Variants in PLEK2 observed in about 807,000 individuals in gnomAD.
The protein encoded by PLEK2 is pleckstrin 2.
In PLEK2, 29 loss-of-function variants were observed where a neutral mutation model predicts 43.8. The observed-to-expected ratio is 0.66, with a 90% CI of 0.49 to 0.90. PLEK2 has a LOEUF of 0.90. Among genes scored for constraint, PLEK2 ranks in the 40% least tolerant of loss-of-function variants. The probability of loss-of-function intolerance (pLI) is 0.00; values close to 1 mark genes in which losing one functional copy is unlikely to be tolerated. For synonymous variants in PLEK2, 162 were observed against 173.2 expected (o/e 0.94, Z 0.51); for missense variants, 398 against 448.1 (o/e 0.89, Z 1.01).
At chr14:67,393,832 C>A (rs747285445) in intron 3 of PLEK2, among the ~76,000 whole-genome samples, 5 of 152,168 alleles carry the variant, frequency 3.3e-5, no homozygotes, top group Admixed American at 6.5e-5. Context: ...TTTATCTAAC[C>A]TCCCCAGTGG....
rs61744240 is a variant in PLEK2 at position 67,395,461 on chromosome 14, C to T, written c.330G>A (p.Lys110=). 3,168 of 1,614,048 alleles carry T rather than the reference C, an allele frequency of 2.0e-3. 57 individuals carry two copies. The African/African-American group carries it at 0.036, about 18-fold the overall frequency. Residue 110 remains lysine, a synonymous_variant, in exon 3 of 9, where the codon AAG becomes AAA. Coordinates refer to ENST00000216446, the MANE Select transcript of PLEK2 (RefSeq NM_016445.3). The stretch of plus-strand genomic sequence containing the variant: ...TTCTCAGGCTGTGCAGCTGCTGGAC[C>T]TTCCCCGGCTGCCCTGCATGAATAG... ...TGAIHAGQPG[K]VQQLHSLRNS...
intron 1 of PLEK2, among the ~76,000 whole-genome samples, chr14:67,406,103 T>A (rs1330353872): frequency 6.6e-6 from 1 of 151,748 alleles, no homozygotes; most frequent in African/African-American, 2.4e-5. Context: ...TACTAAAAAT[T>A]CAAAAATTAG....
intron 1 of PLEK2, among the ~76,000 whole-genome samples, chr14:67,403,981 A>T (rs1468638007): frequency 6.6e-6 from 1 of 152,190 alleles, no homozygotes; most frequent in Non-Finnish European, 1.5e-5. Context: ...TGAGCCTGGG[A>T]GGTCAAGGCT....
chr14:67,399,286 G>A (rs1416270835), intron 1 of PLEK2, among the ~76,000 whole-genome samples: 1 of 150,056 alleles, frequency 6.7e-6, no homozygotes, highest in Non-Finnish European at 1.5e-5. Context: ...TGGTTCTCAG[G>A]TGGCAGGAAT....
At chr14:67,389,774 T>TAAAAAAAACA (rs2085953739) in intron 7 of PLEK2, among the ~76,000 whole-genome samples, 1 of 147,000 alleles carries the variant, frequency 6.8e-6, no homozygotes, top group Non-Finnish European at 1.5e-5. Context: ...GTGTTTTTTT[T>TAAAAAAAACA]CTTTTTTTTT....
At chr14:67,411,481 C>A (rs72719138) in intron 1 of PLEK2, among the ~76,000 whole-genome samples, 2,377 of 152,192 alleles carry the variant, frequency 0.016, 24 homozygotes, top group Middle Eastern at 0.034. Context: ...GGGTCTGATC[C>A]CGATCCTGGC....
chr14:67,392,533 C>T, intron 5 of PLEK2, 106 bp from the exon 6 acceptor site: 1 of 1,216,982 alleles, frequency 8.2e-7, no homozygotes, highest in Middle Eastern at 1.9e-4. Flanking sequence ...GAACCTCATT[C>T]TGCATCAGGA....
Position 67,406,660 on chromosome 14 carries a change from C to A in PLEK2, c.42+5358G>T, listed in dbSNP as rs549808120. ...GTTAAACCTATCACTCCGAACACAG[C>A]AGCAGAACAGAATAGCCAAAGGAAG... On this transcript the variant is annotated intron_variant, in intron 1 of 8. Transcript: ENST00000216446. 3.3e-5 allele frequency among the ~76,000 whole-genome samples: 5 copies of A among 152,328 alleles called. No homozygotes were observed. The East Asian group carries it at 7.7e-4, about 23-fold the overall frequency.
chr14:67,397,978 A>G, intron 1 of PLEK2, 152 bp from the exon 2 acceptor site: 1 of 556,118 alleles, frequency 1.8e-6, no homozygotes, highest in South Asian at 3.4e-5. Flanking sequence ...ATCTCTTCTG[A>G]GTACGTAGCA....
intron 1 of PLEK2, among the ~76,000 whole-genome samples, chr14:67,398,902 A>G (rs994904701): frequency 1.3e-5 from 2 of 152,172 alleles, no homozygotes; most frequent in Non-Finnish European, 2.9e-5. Context: ...TCATACCATT[A>G]AATTTCTGTA....
chr14:67,388,433 G>C (rs1352304300), intron 7 of PLEK2, 131 bp from the exon 8 acceptor site: 6 of 679,778 alleles, frequency 8.8e-6, no homozygotes, highest in Non-Finnish European at 1.6e-5. Flanking sequence ...AGCTGAACTT[G>C]GACATCACAT....
rs1253664998 is a variant in PLEK2 at position 67,397,806 on chromosome 14, C to T, written c.63G>A (p.Trp21Ter). 6.2e-7 allele frequency: 1 copy of T among 1,611,752 alleles called. No individual in the cohort carries two copies. Among genetic ancestry groups the T allele is most frequent in the African/African-American group, 1.3e-5 (1 of 74,882 alleles). Residue 21 changes from tryptophan (W) to a stop codon, truncating the protein, a stop_gained, in exon 2 of 9, where the codon TGG becomes TGA. Transcript: ENST00000216446. LOFTEE classifies it high-confidence loss of function. The stretch of plus-strand genomic sequence containing the variant: ...GCCGAAGGATGAACCATCGCGCCTT[C>T]CAGTTGTGGACAATGTGGCCCTATG... ...LVKRGHIVHN[W>*]KARWFILRQN...
At chr14:67,397,262 G>A (rs1206898368) in intron 2 of PLEK2, among the ~76,000 whole-genome samples, 1 of 152,124 alleles carries the variant, frequency 6.6e-6, no homozygotes, top group Non-Finnish European at 1.5e-5. Context: ...TGGTAGAGTT[G>A]AAGCCACCCC....
intron 2 of PLEK2, among the ~76,000 whole-genome samples, chr14:67,397,143 T>C (rs2086017268): frequency 6.6e-6 from 1 of 152,174 alleles, no homozygotes; most frequent in Non-Finnish European, 1.5e-5. Context: ...TTCACCATGT[T>C]GGCCAGGCTG....
chr14:67,403,716 G>A (rs1358794220), intron 1 of PLEK2, among the ~76,000 whole-genome samples: 1 of 152,158 alleles, frequency 6.6e-6, no homozygotes, highest in African/African-American at 2.4e-5. Context: ...CAAATCCTTT[G>A]ACCCAATAAT....
At chr14:67,396,871 C>T (rs1235105083) in intron 2 of PLEK2, among the ~76,000 whole-genome samples, 1 of 152,226 alleles carries the variant, frequency 6.6e-6, no homozygotes, top group African/African-American at 2.4e-5. Context: ...TTACCATTTT[C>T]TTCCTTGATT....
At chr14:67,387,559 A>G in intron 8 of PLEK2, 103 bp from the exon 9 acceptor site, 1 of 1,153,522 alleles carries the variant, frequency 8.7e-7, no homozygotes, top group Non-Finnish European at 1.2e-6. Context: ...AAAACATACA[A>G]TGATGTATTT....
At chr14:67,389,856 G>C (rs1315581182) in intron 7 of PLEK2, among the ~76,000 whole-genome samples, 2 of 151,770 alleles carry the variant, frequency 1.3e-5, no homozygotes, top group African/African-American at 4.8e-5. Flanking sequence ...AGAAAGGAAG[G>C]AGTTTGAACT....
At chr14:67,408,309 TAAAATAAAATA>T (rs1282949627) in intron 1 of PLEK2, among the ~76,000 whole-genome samples, 3 of 110,884 alleles carry the variant, frequency 2.7e-5, no homozygotes, top group African/African-American at 9.8e-5. Context: ...TAAAATAAAA[TAAAATAAAATA>T]AAATAAAATA....
Sources: allele counts gnomAD v4.1 joint callset (sites outside exome capture counted in the v4.1 genomes callset), GRCh38; gene constraint gnomAD v4.1.1; transcripts MANE v1.5; gene names NCBI Gene and HGNC (gene_info 2026-07-23, HGNC 2026-07-21).